Variants in LHFPL3 observed in about 807,000 individuals in gnomAD.
LHFPL3 encodes the protein LHFPL tetraspan subfamily member 3 protein.
LHFPL3 carries 5 observed loss-of-function variants against 19.3 expected under a neutral mutation model. The ratio of observed to expected loss-of-function variants is 0.26; its 90% CI spans 0.14 to 0.54. The LOEUF is 0.54. Among genes scored for constraint, LHFPL3 ranks in the 20% least tolerant of loss-of-function variants. LHFPL3 has a pLI of 0.94. For synonymous variants in LHFPL3, 133 were observed against 126.2 expected, an observed-to-expected ratio of 1.05 and a Z score of -0.36; for missense variants, 249 against 307.4, an observed-to-expected ratio of 0.81 and a Z score of 1.42.
rs183035957 is a variant in LHFPL3, at chr7:104,350,827, G to C, written c.445+21603G>C. ...GGCCGAGGTGGGTGAATTCCCTGAG[G>C]TCAGGAATTCGAGACCAGCCTGGCC... On this transcript the variant is annotated intron_variant, in intron 1 of 2. Transcript: ENST00000424859. Among the ~76,000 whole-genome samples, 106 of 152,258 alleles carry C rather than the reference G, an allele frequency of 7.0e-4. 1 individual carries two copies. The highest frequency in any genetic ancestry group is 2.4e-3 in the African/African-American group (101 of 41,552).
intron 1 of LHFPL3, among the ~76,000 whole-genome samples, chr7:104,501,881 G>T (rs140298895): frequency 4.1e-4 from 63 of 152,248 alleles, no homozygotes; most frequent in African/African-American, 1.4e-3. Flanking sequence ...GGTGATTGTT[G>T]TCTGTTTTCT....
chr7:104,400,350 G>T (rs771932265), intron 1 of LHFPL3, among the ~76,000 whole-genome samples: 17 of 151,992 alleles, frequency 1.1e-4, no homozygotes, highest in African/African-American at 3.9e-4. Flanking sequence ...TGCAACTAAG[G>T]TTGTATTTGG....
intron 1 of LHFPL3, among the ~76,000 whole-genome samples, chr7:104,445,636 A>G (rs2116590262): frequency 6.6e-6 from 1 of 152,342 alleles, no homozygotes; most frequent in South Asian, 2.1e-4. Flanking sequence ...AGGAAGTAAG[A>G]TACAAAAAGG....
chr7:104,385,788 C>G (rs1178865305), intron 1 of LHFPL3, among the ~76,000 whole-genome samples: 1 of 151,938 alleles, frequency 6.6e-6, no homozygotes, highest in Non-Finnish European at 1.5e-5. Context: ...AAGTAGAAAA[C>G]GAATGCATCA....
intron 1 of LHFPL3, among the ~76,000 whole-genome samples, chr7:104,601,672 C>G (rs1285280015): frequency 1.3e-5 from 2 of 152,176 alleles, no homozygotes; most frequent in African/African-American, 2.4e-5. Flanking sequence ...ACAGCTGGCT[C>G]TGGTACTGCT....
intron 1 of LHFPL3, among the ~76,000 whole-genome samples, chr7:104,635,431 G>A (rs1791712795): frequency 6.6e-6 from 1 of 152,120 alleles, no homozygotes; most frequent in Admixed American, 6.5e-5. Context: ...AGCTTCTGGA[G>A]AGAACAGATG....
At chr7:104,811,477 A>T (rs1335715107) in intron 2 of LHFPL3, among the ~76,000 whole-genome samples, 1 of 152,200 alleles carries the variant, frequency 6.6e-6, no homozygotes, top group African/African-American at 2.4e-5. Context: ...TTGGGATTGC[A>T]GGCATGGGCC....
At chr7:104,533,144 A>G (rs1040856400) in intron 1 of LHFPL3, among the ~76,000 whole-genome samples, 1 of 152,192 alleles carries the variant, frequency 6.6e-6, no homozygotes, top group African/African-American at 2.4e-5. Context: ...TTTGTAGAGA[A>G]CTATGTTTAC....
chr7:104,648,264 A>G (rs368757767), intron 1 of LHFPL3, among the ~76,000 whole-genome samples: 4 of 152,270 alleles, frequency 2.6e-5, no homozygotes, highest in African/African-American at 4.8e-5. Flanking sequence ...CATCACAGCT[A>G]TGGGTACTGT....
rs1223997460 is a variant in LHFPL3 at position 104,540,646 on chromosome 7, A to G, written c.446-196029A>G. Among the ~76,000 whole-genome samples, 5 of 152,232 alleles carry G rather than the reference A, an allele frequency of 3.3e-5. No individual in the cohort carries two copies. In the East Asian group the frequency reaches 9.6e-4, roughly 29 times the overall value. ...GGAAAGAAATGAGCATTTATTGACA[A>G]CTTTCTATATGTCAGGCATTCTCAC... On this transcript the variant is annotated intron_variant, in intron 1 of 2. Coordinates refer to ENST00000424859, the MANE Select transcript of LHFPL3 (RefSeq NM_199000.3).
intron 2 of LHFPL3, among the ~76,000 whole-genome samples, chr7:104,827,848 C>A (rs1320934897): frequency 6.6e-6 from 1 of 151,896 alleles, no homozygotes; most frequent in Non-Finnish European, 1.5e-5. Flanking sequence ...ATCTCTGGAT[C>A]ACAGTCCAGA....
At chr7:104,450,547 G>C (rs896741639) in intron 1 of LHFPL3, among the ~76,000 whole-genome samples, 1 of 152,038 alleles carries the variant, frequency 6.6e-6, no homozygotes, top group African/African-American at 2.4e-5. Context: ...CACAGGGAGG[G>C]GAACATCACA....
chr7:104,443,017 C>T (rs1294564354), intron 1 of LHFPL3, among the ~76,000 whole-genome samples: 2 of 152,196 alleles, frequency 1.3e-5, no homozygotes, highest in Admixed American at 6.5e-5. Flanking sequence ...TGGATCCTCT[C>T]ATTGACTTGC....
At chr7:104,416,593 T>G (rs1791627682) in intron 1 of LHFPL3, among the ~76,000 whole-genome samples, 1 of 152,240 alleles carries the variant, frequency 6.6e-6, no homozygotes, top group Non-Finnish European at 1.5e-5. Flanking sequence ...TCTGGCGTTT[T>G]CTGTTTCTAT....
At chr7:104,365,706 G>A (rs1270730654) in intron 1 of LHFPL3, among the ~76,000 whole-genome samples, 1 of 145,448 alleles carries the variant, frequency 6.9e-6, no homozygotes, top group Non-Finnish European at 1.5e-5. Flanking sequence ...GCGTGAACCC[G>A]GGAAGCAGAG....
intron 1 of LHFPL3, among the ~76,000 whole-genome samples, chr7:104,360,997 A>C (rs1265868008): frequency 6.6e-6 from 1 of 152,210 alleles, no homozygotes; most frequent in Non-Finnish European, 1.5e-5. Flanking sequence ...TCAAAAGAAG[A>C]ATAATTTGTG....
chr7:104,703,362 T>G (rs141734390), intron 1 of LHFPL3, among the ~76,000 whole-genome samples: 1 of 152,328 alleles, frequency 6.6e-6, no homozygotes, highest in East Asian at 1.9e-4. Flanking sequence ...CAAAAAAAGT[T>G]TATTAAAATC....
chr7:104,849,277 GAAC>G (rs1791370367), intron 2 of LHFPL3, among the ~76,000 whole-genome samples: 2 of 152,180 alleles, frequency 1.3e-5, no homozygotes, highest in South Asian at 4.1e-4. Flanking sequence ...TTAGTTCTGA[GAAC>G]TACTAGAAGC....
At chr7:104,779,204 C>T (rs1238407083) in intron 2 of LHFPL3, among the ~76,000 whole-genome samples, 1 of 152,056 alleles carries the variant, frequency 6.6e-6, no homozygotes. Context: ...TAGTACTCAC[C>T]TCATAGGGTG....
Sources: allele counts gnomAD v4.1 joint callset (sites outside exome capture counted in the v4.1 genomes callset), GRCh38; gene constraint gnomAD v4.1.1; transcripts MANE v1.5; gene names NCBI Gene and HGNC (gene_info 2026-07-23, HGNC 2026-07-21).